Variants in SUCO observed in about 807,000 individuals in gnomAD.
SUCO encodes the protein SUN domain containing ossification factor, also known as SUN domain-containing ossification factor.
Under a neutral mutation model 148.1 loss-of-function variants are expected in SUCO, and 57 were observed. That is an observed-to-expected ratio of 0.38 (90% CI 0.31 to 0.48). The LOEUF (loss-of-function observed/expected upper bound fraction) is 0.48. Ranked by LOEUF, SUCO falls within the 20% of genes least tolerant of loss-of-function variation. The pLI is 0.96. For synonymous variants in SUCO, 470 were observed against 502.7 expected (o/e 0.93, Z 0.87); for missense variants, 1,331 against 1,468.2 (o/e 0.91, Z 1.53).
chr1:172,602,930 CT>C, intron 22 of SUCO, 143 bp downstream of exon 22: 1 of 673,630 alleles, frequency 1.5e-6, no homozygotes, highest in Non-Finnish European at 2.5e-6. Context: ...TGTCAAGCCA[CT>C]TTATCATTTT....
rs760219633 is a variant in SUCO, at chr1:172,589,671, T to C, written c.2570T>C (p.Val857Ala). ...GCAAAGCAAACTTTGATTTCTGTTG[T>C]GGATTCTTCTTCATTACCTGAAGTA... ...DTAKQTLISVVDSSSLPEVKE... is the reference protein window; with the variant it reads ...DTAKQTLISVADSSSLPEVKE... Residue 857 changes from valine (V) to alanine (A), a missense_variant, in exon 18 of 24, where the codon GTG becomes GCG. Val to Ala is a moderately conservative substitution (Grantham distance 64). This residue lies in a region of SUCO where 992 missense variants were observed against 1,093.5 expected (regional missense o/e 0.91). Coordinates refer to ENST00000263688, the MANE Select transcript of SUCO (RefSeq NM_014283.5). 2.5e-6 allele frequency: 4 copies of C among 1,613,812 alleles called. No homozygotes were observed. The highest frequency in any genetic ancestry group is 1.7e-5 in the Admixed American group (1 of 59,948).
chr1:172,550,783 T>G, intron 1 of SUCO: 1 of 304,882 alleles, frequency 3.3e-6, no homozygotes, highest in Non-Finnish European at 4.8e-6. Context: ...CTTAAAACAT[T>G]GATGGATGTA....
Position 172,602,701 on chromosome 1 carries a change from T to G in SUCO, c.3179T>G (p.Phe1060Cys). 6.2e-7 allele frequency: 1 copy of G among 1,612,328 alleles called. No individual in the cohort carries two copies. The highest frequency in any genetic ancestry group is 8.5e-7 in the Non-Finnish European group (1 of 1,179,472). ...TATTTTTCCTAATGTGTTAGGTGTT[T>G]CTCTTCCTATGATGATATGAATTTG... ...SNQYPSPKRC[F>C]SSYDDMNLKR... is the part of the protein sequence containing the mutation. The change falls in exon 22 of 24, where the codon TTC becomes TGC. Residue 1060 changes from phenylalanine to cysteine, a missense_variant. This residue lies in a region of SUCO where 334 missense variants were observed against 352.3 expected (regional missense o/e 0.95). Transcript: ENST00000263688.
At position 172,589,073 on chromosome 1, in the gene SUCO, T is replaced by G; in HGVS notation, c.1972T>G (p.Tyr658Asp). 6.2e-7 allele frequency: 1 copy of G among 1,613,726 alleles called. No individual in the cohort carries two copies. The highest frequency in any genetic ancestry group is 8.5e-7 in the Non-Finnish European group (1 of 1,179,820). The change falls in exon 18 of 24, where the codon TAT becomes GAT. Residue 658 changes from tyrosine to aspartate, a missense_variant. Transcript: ENST00000263688. ...AACTGCTTTGAGTAAAGGAAAAGAT[T>G]ATCTTGTGTTAGCTCAACCACCCTT... is the stretch of plus-strand genomic sequence containing the variant. ...SRTALSKGKD[Y>D]LVLAQPPLLL...
intron 19 of SUCO, 21 bp downstream of exon 19, chr1:172,591,092 T>A: frequency 6.4e-7 from 1 of 1,559,812 alleles, no homozygotes; most frequent in Non-Finnish European, 8.8e-7. Flanking sequence ...ACATCCCTTA[T>A]TTACTTTTTA....
In SUCO at chr1:172,610,507, A is replaced by ATGT. The variant is rs1658150714; in HGVS notation, c.*249_*250insGTT. Reference sequence around the variant, plus strand: ...TTTTATAAAGATGTTTTTTCACAAGATTAATTACTGGGACAAAAGTAATTT... The same window carrying ATGT: ...TTTTATAAAGATGTTTTTTCACAAGATGTTTAATTACTGGGACAAAAGTAATTT... On this transcript the variant is annotated 3_prime_UTR_variant, in exon 24 of 24. Coordinates refer to ENST00000263688, the MANE Select transcript of SUCO (RefSeq NM_014283.5). The ATGT allele has an allele frequency of 2.4e-5, 10 of 413,232 alleles. No homozygotes were observed. The South Asian group carries it at 6.3e-4, about 26-fold the overall frequency. The allele number at this position is 413,232 out of a possible 1,614,324, so 25.6% of individuals were successfully genotyped here.
At position 172,551,521 on chromosome 1, in the gene SUCO, C is replaced by G. The variant is rs1308829930; in HGVS notation, c.72C>G (p.Ser24Arg). 6 of 1,598,528 alleles carry G rather than the reference C, an allele frequency of 3.8e-6. No homozygotes were observed. The highest frequency in any genetic ancestry group is 5.1e-6 in the Non-Finnish European group (6 of 1,172,472). Reference sequence around the variant, plus strand: ...GGTGGGTGTTTTACAGGCTTCCCAGCTGGCGTGTATGTTGTAAAGAGAGTT... The same window carrying G: ...GGTGGGTGTTTTACAGGCTTCCCAGGTGGCGTGTATGTTGTAAAGAGAGTT... ...LFLCSLVWLPSWRVCCKESSS... is the reference protein window; with the variant it reads ...LFLCSLVWLPRWRVCCKESSS... Residue 24 changes from serine (S) to arginine (R), a missense_variant, in exon 2 of 24, where the codon AGC (serine) becomes AGG (arginine). Ser to Arg is a moderately radical substitution (Grantham distance 110). Around this residue, in one of 3 missense-constraint regions of SUCO, gnomAD observed 992 missense variants for 1,093.5 expected, o/e 0.91. Coordinates refer to ENST00000263688, the MANE Select transcript of SUCO (RefSeq NM_014283.5).
intron 15 of SUCO, among the ~76,000 whole-genome samples, chr1:172,581,405 G>A (rs1298842904): frequency 2.0e-5 from 3 of 152,136 alleles, no homozygotes; most frequent in Admixed American, 2.0e-4. Context: ...TCCACCTCCT[G>A]AAGTTTTAGA....
At position 172,570,113 on chromosome 1, in the gene SUCO, A is replaced by G. The variant is rs1475241908; in HGVS notation, c.923A>G (p.Asn308Ser). ...HATKKVQKNRNNYASVECGAK... is the reference protein window; with the variant it reads ...HATKKVQKNRSNYASVECGAK... ...ACCAAAAAGGTCCAGAAAAATCGAA[A>G]TAATTATGCCTCAGTAGAATGTGGT... Residue 308 changes from asparagine (N) to serine (S), a missense_variant, in exon 8 of 24, where the codon AAT (asparagine) becomes AGT (serine). Transcript: ENST00000263688. 1 of 1,596,984 alleles carries G rather than the reference A, an allele frequency of 6.3e-7. No individual in the cohort carries two copies. Among genetic ancestry groups the G allele is most frequent in the South Asian group, 1.1e-5 (1 of 88,214 alleles).
At chr1:172,599,924 GT>G (rs1657387131) in intron 19 of SUCO, 139 bp from the exon 20 acceptor site, 12 of 601,044 alleles carry the variant, frequency 2.0e-5, no homozygotes, top group Admixed American at 7.5e-5. Flanking sequence ...TCTGTTCAAA[GT>G]TTACTTACTC....
Position 172,555,898 on chromosome 1 carries a change from G to A in SUCO, c.318G>A (p.Pro106=), listed in dbSNP as rs762626131. 34 of 1,608,806 alleles carry A rather than the reference G, an allele frequency of 2.1e-5. 1 individual carries two copies. Among genetic ancestry groups the A allele is most frequent in the Admixed American group, 5.0e-5 (3 of 59,866 alleles). The change falls in exon 4 of 24, where the codon CCG becomes CCA. Residue 106 remains proline (P), a synonymous_variant. Coordinates refer to ENST00000263688, the MANE Select transcript of SUCO (RefSeq NM_014283.5). ...QNTESKKLSP[P]VVETLPTVDL... is the part of the protein sequence containing the mutation. Reference sequence around the variant, plus strand: ...CAGAGTCAAAAAAGTTAAGTCCACCGGTGGTGGAGACACTCCCTACAGTTG... The same window carrying A: ...CAGAGTCAAAAAAGTTAAGTCCACCAGTGGTGGAGACACTCCCTACAGTTG...
At position 172,579,248 on chromosome 1, in the gene SUCO, T is replaced by C. The variant is rs771102008; in HGVS notation, c.1479T>C (p.Asn493=). ...CTGGAGAGGATAAATCCTCAAAAAA[T>C]CTTCTTGGTTCTGCTACAAGTGAGT... ...YNTGEDKSSK[N]LLGSATNAIL... Residue 493 remains asparagine (N), a synonymous_variant, in exon 15 of 24, where the codon AAT becomes AAC. Transcript: ENST00000263688. 2 of 1,598,982 alleles carry C rather than the reference T, an allele frequency of 1.3e-6. No homozygotes were observed. The highest frequency in any genetic ancestry group is 1.7e-6 in the Non-Finnish European group (2 of 1,168,070).
intron 17 of SUCO, among the ~76,000 whole-genome samples, chr1:172,587,186 T>C (rs1656307419): frequency 6.6e-6 from 1 of 152,124 alleles, no homozygotes; most frequent in African/African-American, 2.4e-5. Flanking sequence ...AGTTTTTTAA[T>C]AGATATTTTT....
chr1:172,584,214 T>C (rs1656079629), intron 15 of SUCO: 1 of 162,064 alleles, frequency 6.2e-6, no homozygotes, highest in African/African-American at 2.4e-5. Flanking sequence ...TGAAAATGTT[T>C]TCTGCTTTTT....
intron 17 of SUCO, among the ~76,000 whole-genome samples, chr1:172,586,631 A>C (rs1265728195): frequency 6.6e-6 from 1 of 152,138 alleles, no homozygotes; most frequent in African/African-American, 2.4e-5. Flanking sequence ...ATTTCATTAG[A>C]TACACTCCCT....
chr1:172,547,432 G>A (rs1414589648), intron 1 of SUCO, among the ~76,000 whole-genome samples: 4 of 152,086 alleles, frequency 2.6e-5, no homozygotes, highest in Non-Finnish European at 5.9e-5. Flanking sequence ...CTGCTGAAAC[G>A]GATATTATAT....
Position 172,608,145 on chromosome 1 carries a change from A to G in SUCO, c.3266-602A>G, listed in dbSNP as rs1031039833. The G allele has an allele frequency of 1.3e-5, 12 of 928,734 alleles. No individual in the cohort carries two copies. In the South Asian group the frequency reaches 1.5e-4, roughly 12 times the overall value. 57.5% of individuals were successfully genotyped at this position (928,734 alleles called of 1,614,324 possible). ...ATAAATCTAATTTACTCACTATGCC[A>G]GAAGTGTTCATTCATTATTGCTTAG... On this transcript the variant is annotated intron_variant, in intron 22 of 23. Coordinates refer to ENST00000263688, the MANE Select transcript of SUCO (RefSeq NM_014283.5).
upstream of SUCO, chr1:172,532,372 C>T (rs968228917): frequency 4.4e-6 from 4 of 902,248 alleles, no homozygotes; most frequent in Admixed American, 8.3e-5. Context: ...ACCAACAGAA[C>T]GAAAAGCAAC....
intron 14 of SUCO, among the ~76,000 whole-genome samples, chr1:172,578,978 A>T (rs1167845482): frequency 3.9e-5 from 6 of 152,050 alleles, no homozygotes; most frequent in Non-Finnish European, 7.4e-5. Context: ...TGTGGTTAAA[A>T]TTTTGGTAAG....
Sources: allele counts gnomAD v4.1 joint callset (sites outside exome capture counted in the v4.1 genomes callset), GRCh38; gene constraint gnomAD v4.1.1; regional missense constraint gnomAD v4.1.1; transcripts MANE v1.5; gene names NCBI Gene and HGNC (gene_info 2026-07-23, HGNC 2026-07-21).